The following BMAL2 variants were observed in gnomAD, a reference collection of about 807,000 sequenced individuals.
The protein encoded by BMAL2 is basic helix-loop-helix ARNT like 2.
chr12:27,382,920 G>C, the BMAL2 span, among the ~76,000 whole-genome samples: 38 of 152,290 alleles, frequency 2.5e-4, no homozygotes, highest in Non-Finnish European at 7.4e-5. Flanking sequence ...TCATGGGTTT[G>C]GCTGTCACAG....
chr12:27,353,384 T>A, the BMAL2 span, among the ~76,000 whole-genome samples: 1 of 152,144 alleles, frequency 6.6e-6, no homozygotes, highest in Non-Finnish European at 1.5e-5. Flanking sequence ...AAGCAGAAGA[T>A]TGAAAGTGGA....
the BMAL2 span, among the ~76,000 whole-genome samples, chr12:27,359,392 C>T: frequency 6.6e-5 from 10 of 152,242 alleles, no homozygotes; most frequent in South Asian, 8.3e-4. Flanking sequence ...AATAAACCCT[C>T]GGTACTTACT....
the BMAL2 span, among the ~76,000 whole-genome samples, chr12:27,377,237 A>G: frequency 1.3e-5 from 2 of 152,244 alleles, no homozygotes; most frequent in Admixed American, 6.5e-5. Context: ...CTGATGAAGT[A>G]TTAAGCAGAG....
At chr12:27,422,423 A>G in the BMAL2 span, 1 of 152,254 alleles carries the variant, frequency 6.6e-6, no homozygotes, top group Non-Finnish European at 1.5e-5. Flanking sequence ...CTTCTGTCAG[A>G]CATGTTAATG....
the BMAL2 span, chr12:27,370,309 G>A: frequency 1.5e-5 from 16 of 1,050,232 alleles, no homozygotes; most frequent in Middle Eastern, 2.1e-4. Context: ...CATGATACAC[G>A]TCCCACTGAT....
the BMAL2 span, chr12:27,421,291 A>G: frequency 1.3e-5 from 2 of 152,204 alleles, no homozygotes; most frequent in African/African-American, 4.8e-5. Flanking sequence ...CACGCCTGTA[A>G]TCCCAGTACT....
chr12:27,390,262 GA>G, the BMAL2 span: 1 of 1,608,986 alleles, frequency 6.2e-7, no homozygotes, highest in East Asian at 2.2e-5. Flanking sequence ...AATGTCAAGT[GA>G]TGCAAAGCAT....
chr12:27,363,934 A>G, the BMAL2 span, among the ~76,000 whole-genome samples: 1 of 152,188 alleles, frequency 6.6e-6, no homozygotes, highest in Non-Finnish European at 1.5e-5. Flanking sequence ...TGCTGCTATA[A>G]CAAAACACCT....
chr12:27,404,283 A>G, the BMAL2 span, among the ~76,000 whole-genome samples: 1 of 151,168 alleles, frequency 6.6e-6, no homozygotes, highest in African/African-American at 2.4e-5. Flanking sequence ...TATGAAAAAT[A>G]ATAGTAATAA....
At chr12:27,333,841 C>T in the BMAL2 span, among the ~76,000 whole-genome samples, 17 of 152,330 alleles carry the variant, frequency 1.1e-4, no homozygotes, top group Non-Finnish European at 1.8e-4. Flanking sequence ...GGTGCTTTTT[C>T]CTTCTCGCTA....
chr12:27,363,562 A>G, the BMAL2 span, among the ~76,000 whole-genome samples: 10 of 152,276 alleles, frequency 6.6e-5, no homozygotes, highest in South Asian at 2.1e-4. Context: ...CTGGTTACCA[A>G]TGAGATTGAG....
At chr12:27,395,789 G>C in the BMAL2 span, among the ~76,000 whole-genome samples, 3 of 152,186 alleles carry the variant, frequency 2.0e-5, no homozygotes, top group Non-Finnish European at 4.4e-5. Context: ...ATTCTGGGAG[G>C]AACTAAAGGA....
the BMAL2 span, chr12:27,422,174 C>T: frequency 6.6e-6 from 1 of 152,134 alleles, no homozygotes; most frequent in African/African-American, 2.4e-5. Flanking sequence ...GCTTCAGTAG[C>T]TCTTCATAGC....
the BMAL2 span, among the ~76,000 whole-genome samples, chr12:27,411,713 G>A: frequency 6.6e-6 from 1 of 152,166 alleles, no homozygotes; most frequent in Admixed American, 6.5e-5. Flanking sequence ...CTGTTGTTGA[G>A]TTGGGAGTTC....
At chr12:27,357,713 A>C in the BMAL2 span, among the ~76,000 whole-genome samples, 7 of 152,192 alleles carry the variant, frequency 4.6e-5, no homozygotes, top group African/African-American at 1.7e-4. Context: ...AAATAAAGCC[A>C]AATATTTACA....
At chr12:27,346,297 G>C in the BMAL2 span, among the ~76,000 whole-genome samples, 1 of 152,160 alleles carries the variant, frequency 6.6e-6, no homozygotes, top group Non-Finnish European at 1.5e-5. Context: ...GTCTCACTCT[G>C]TCACCCAGGC....
At chr12:27,380,570 TA>T in the BMAL2 span, among the ~76,000 whole-genome samples, 11 of 152,192 alleles carry the variant, frequency 7.2e-5, no homozygotes, top group African/African-American at 2.7e-4. Context: ...GTGGAGAGAA[TA>T]CTGAATTGGA....
the BMAL2 span, chr12:27,420,611 T>C: frequency 7.1e-7 from 1 of 1,418,174 alleles, no homozygotes; most frequent in Non-Finnish European, 9.5e-7. Context: ...TATTCTTAAG[T>C]ACTGTATTGA....
chr12:27,369,013 G>A, the BMAL2 span, among the ~76,000 whole-genome samples: 30 of 152,176 alleles, frequency 2.0e-4, no homozygotes, highest in African/African-American at 7.2e-4. Flanking sequence ...AGTGGCACAC[G>A]CCTGCAGTAC....
Sources: allele counts gnomAD v4.1 joint callset (sites outside exome capture counted in the v4.1 genomes callset), GRCh38; gene constraint gnomAD v4.1.1; transcripts MANE v1.5; gene names NCBI Gene and HGNC (gene_info 2026-07-23, HGNC 2026-07-21).